Variants in ARFGEF1 observed in about 807,000 individuals in gnomAD.
The protein encoded by ARFGEF1 is brefeldin A-inhibited guanine nucleotide-exchange protein 1.
ARFGEF1 carries 42 observed loss-of-function variants against 231.0 expected under a neutral mutation model. The observed-to-expected ratio is 0.18, with a 90% CI of 0.14 to 0.24. The LOEUF (loss-of-function observed/expected upper bound fraction) is 0.24. Ranked by LOEUF, ARFGEF1 falls within the 10% of genes least tolerant of loss-of-function variation. The probability of loss-of-function intolerance (pLI) is 1.00; values close to 1 mark genes in which losing one functional copy is unlikely to be tolerated. For synonymous variants in ARFGEF1, 710 were observed against 732.3 expected (o/e 0.97, Z 0.49); for missense variants, 1,345 against 2,192.0 (o/e 0.61, Z 7.72).
chr8:67,342,313 T>C (rs977282258), intron 1 of ARFGEF1, among the ~76,000 whole-genome samples: 4 of 152,208 alleles, frequency 2.6e-5, no homozygotes, highest in Admixed American at 2.0e-4. Flanking sequence ...GAGGTATTGT[T>C]TGGATTTTCC....
rs1838145470 is a variant in ARFGEF1, at chr8:67,197,916, C to T, written c.*1018G>A. The T allele has an allele frequency of 2.0e-6, 2 of 985,708 alleles. No homozygotes were observed. Among genetic ancestry groups the T allele is most frequent in the Admixed American group, 1.2e-4 (2 of 16,266 alleles). The allele number at this position is 985,708 out of a possible 1,614,324, so 61.1% of individuals were successfully genotyped here. A position where few individuals can be genotyped will look rare whatever the true frequency, so the allele number is the denominator to read the frequency against. The stretch of plus-strand genomic sequence containing the variant: ...AATACATTTCCAGTAAATCTAACCT[C>T]CGCAAACCATGCCAGATTTGTTATT... On this transcript the variant is annotated 3_prime_UTR_variant, in exon 39 of 39. Coordinates refer to ENST00000262215, the MANE Select transcript of ARFGEF1 (RefSeq NM_006421.5).
intron 1 of ARFGEF1, among the ~76,000 whole-genome samples, chr8:67,302,783 T>C (rs1056232053): frequency 3.3e-5 from 5 of 151,926 alleles, no homozygotes; most frequent in South Asian, 2.1e-4. Context: ...AGCATTAATA[T>C]TAAGAACAGG....
intron 10 of ARFGEF1, among the ~76,000 whole-genome samples, chr8:67,271,478 G>C (rs1805096817): frequency 6.6e-6 from 1 of 152,150 alleles, no homozygotes. Flanking sequence ...AGTTCCTTGA[G>C]GACAGTGGCT....
chr8:67,311,100 G>A (rs112286865), intron 1 of ARFGEF1, among the ~76,000 whole-genome samples: 3 of 147,198 alleles, frequency 2.0e-5, no homozygotes, highest in Admixed American at 6.7e-5. Flanking sequence ...CGCCCCGTCC[G>A]GGAGGGAGGT....
At chr8:67,200,219 A>G (rs1838278077) in intron 38 of ARFGEF1, 177 bp downstream of exon 38, 1 of 668,048 alleles carries the variant, frequency 1.5e-6, no homozygotes, top group African/African-American at 1.8e-5. Context: ...AAGGGGGGAG[A>G]AAAGCAAGGA....
chr8:67,234,512 G>A (rs896087256), intron 22 of ARFGEF1, among the ~76,000 whole-genome samples: 4 of 152,094 alleles, frequency 2.6e-5, no homozygotes, highest in Non-Finnish European at 5.9e-5. Context: ...GCTATATAAA[G>A]TAATGGAAAC....
intron 5 of ARFGEF1, among the ~76,000 whole-genome samples, chr8:67,188,273 TGA>T (rs1419188474): frequency 2.0e-5 from 3 of 152,330 alleles, no homozygotes; most frequent in Middle Eastern, 3.4e-3. Flanking sequence ...AGGATGCTAC[TGA>T]GAGACAGGAC....
intron 22 of ARFGEF1, among the ~76,000 whole-genome samples, chr8:67,236,392 A>T (rs1471307865): frequency 9.3e-6 from 1 of 107,538 alleles, no homozygotes; most frequent in Admixed American, 1.0e-4. Context: ...ATATATATAT[A>T]TATATATATA....
chr8:67,222,190 T>TATATACACACACAC, intron 29 of ARFGEF1, among the ~76,000 whole-genome samples: 1 of 134,926 alleles, frequency 7.4e-6, no homozygotes, highest in South Asian at 2.3e-4. Context: ...CACATATATA[T>TATATACACACACAC]ATATATATAT....
At chr8:67,330,993 G>T (rs1456841936) in intron 1 of ARFGEF1, among the ~76,000 whole-genome samples, 1 of 152,006 alleles carries the variant, frequency 6.6e-6, no homozygotes, top group Admixed American at 6.5e-5. Flanking sequence ...ATGTTAATAA[G>T]ATGTTAAGAA....
intron 33 of ARFGEF1, among the ~76,000 whole-genome samples, chr8:67,212,854 T>A (rs1262336858): frequency 6.6e-6 from 1 of 152,234 alleles, no homozygotes; most frequent in Non-Finnish European, 1.5e-5. Flanking sequence ...ATATTTTTGG[T>A]CACGGGCCCT....
intron 5 of ARFGEF1, among the ~76,000 whole-genome samples, chr8:67,185,277 C>A (rs1269293486): frequency 5.9e-5 from 9 of 152,132 alleles, no homozygotes; most frequent in Admixed American, 5.9e-4. Context: ...ATTTGATGAG[C>A]CCTGAGGCCC....
intron 21 of ARFGEF1, 33 bp from the exon 22 acceptor site, chr8:67,238,526 C>A: frequency 6.3e-7 from 1 of 1,575,316 alleles, no homozygotes. Context: ...ATGTTAAATT[C>A]CATGTTAAAA....
Position 67,227,675 on chromosome 8 carries a change from G to A in ARFGEF1, c.3592-77C>T, listed in dbSNP as rs142344785. The A allele has an allele frequency of 1.6e-4, 234 of 1,492,446 alleles. No individual in the cohort carries two copies. In the African/African-American group the frequency reaches 3.0e-3, roughly 19 times the overall value. 92.5% of individuals were successfully genotyped at this position (1,492,446 alleles called of 1,614,324 possible). A position where few individuals can be genotyped will look rare whatever the true frequency, so the allele number is the denominator to read the frequency against. On this transcript the variant is annotated intron_variant, in intron 25 of 38. Coordinates refer to ENST00000262215, the MANE Select transcript of ARFGEF1 (RefSeq NM_006421.5). ...CTACAATTCTTTATTTTTTGTTTTA[G>A]AAAAAGTATAGAATAGCATAGATAG...
intron 1 of ARFGEF1, among the ~76,000 whole-genome samples, chr8:67,311,630 C>CG (rs1188012224): frequency 3.4e-5 from 5 of 149,170 alleles, no homozygotes; most frequent in African/African-American, 7.4e-5. Flanking sequence ...TCAGCCCCCC[C>CG]GCCCAGCCAG....
intron 1 of ARFGEF1, among the ~76,000 whole-genome samples, chr8:67,327,557 T>C (rs925322203): frequency 2.6e-5 from 4 of 152,102 alleles, no homozygotes; most frequent in Non-Finnish European, 5.9e-5. Context: ...TGACTTCAGG[T>C]GATCCACCCA....
At chr8:67,278,856 T>C (rs1445526225) in intron 7 of ARFGEF1, among the ~76,000 whole-genome samples, 1 of 152,230 alleles carries the variant, frequency 6.6e-6, no homozygotes, top group Non-Finnish European at 1.5e-5. Context: ...ATAAAATACA[T>C]TATGAAAACT....
chr8:67,316,974 G>A (rs1265592088), intron 1 of ARFGEF1, among the ~76,000 whole-genome samples: 1 of 152,130 alleles, frequency 6.6e-6, no homozygotes, highest in African/African-American at 2.4e-5. Context: ...GGAGGGGAGG[G>A]GGCTGCAGTT....
In ARFGEF1 at chr8:67,271,943, T is replaced by C; in HGVS notation, c.1338-7A>G. The C allele has an allele frequency of 6.3e-7, 1 of 1,579,896 alleles. No homozygotes were observed. The highest frequency in any genetic ancestry group is 8.6e-7 in the Non-Finnish European group (1 of 1,158,374). On this transcript the variant is annotated splice_region_variant and splice_polypyrimidine_tract_variant and intron_variant, in intron 9 of 38. Coordinates refer to ENST00000262215, the MANE Select transcript of ARFGEF1 (RefSeq NM_006421.5). Reference sequence around the variant, plus strand: ...GGATCGTAGTTCATGAGACCTAAAATGTAAAAAAGAAGGCATAGTATATGA... The same window carrying C: ...GGATCGTAGTTCATGAGACCTAAAACGTAAAAAAGAAGGCATAGTATATGA...
Sources: allele counts gnomAD v4.1 joint callset (sites outside exome capture counted in the v4.1 genomes callset), GRCh38; gene constraint gnomAD v4.1.1; transcripts MANE v1.5; gene names NCBI Gene and HGNC (gene_info 2026-07-23, HGNC 2026-07-21).